BARD1: variants seen among roughly 807,000 people sequenced by gnomAD.
The protein encoded by BARD1 is BRCA1 associated RING domain 1.
Under a neutral mutation model 77.0 loss-of-function variants are expected in BARD1, and 73 were observed. The ratio of observed to expected loss-of-function variants is 0.95; its 90% CI spans 0.79 to 1.15. BARD1 has a LOEUF of 1.15. Ranked by LOEUF, BARD1 falls within the 50% of genes most tolerant of loss-of-function variation. The pLI, the probability that BARD1 is intolerant of heterozygous loss-of-function variation, is 0.00. For missense variants in BARD1, 993 were observed against 938.8 expected (o/e 1.06, Z -0.75); for synonymous variants, 384 against 338.0 (o/e 1.14, Z -1.49).
chr2:214,809,502 G>C lies in BARD1; in HGVS notation c.68C>G (p.Ala23Gly). ...RIRSGNEPRS[A>G]PAMEPDGRGA... ...GCGACCATCCGGTTCCATGGCGGGC[G>C]CGGAACGAGGCTCGTTCCCGGAGCG... Residue 23 changes from alanine (A) to glycine (G), a missense_variant, in exon 1 of 11, where the codon GCG becomes GGG. Ala to Gly is a moderately conservative substitution (Grantham distance 60, BLOSUM62 0). Transcript: ENST00000260947. 1.9e-6 allele frequency: 3 copies of C among 1,602,678 alleles called. No homozygotes were observed. Among genetic ancestry groups the C allele is most frequent in the Non-Finnish European group, 2.6e-6 (3 of 1,176,226 alleles).
chr2:214,757,051 C>G (rs527935061), intron 6 of BARD1, among the ~76,000 whole-genome samples: 3 of 152,100 alleles, frequency 2.0e-5, no homozygotes, highest in African/African-American at 4.8e-5. Context: ...GCTCTGACCA[C>G]GTAAGATGTG....
rs5031009 is a variant in BARD1 at position 214,767,431 on chromosome 2, T to C, written c.1568+51A>G. The stretch of plus-strand genomic sequence containing the variant: ...AAGTCTGCTTTATCACACACCTTGA[T>C]TCAAGAATATAGGTCCATTTTAAAA... On this transcript the variant is annotated intron_variant, in intron 6 of 10. Transcript: ENST00000260947. 0.36 allele frequency: 567,236 copies of C among 1,559,338 alleles called. 104,406 individuals are homozygous for C. Among genetic ancestry groups the C allele is most frequent in the South Asian group, 0.41 (36,302 of 89,536 alleles).
intron 1 of BARD1, among the ~76,000 whole-genome samples, chr2:214,807,212 G>A (rs1696316687): frequency 1.3e-5 from 2 of 148,694 alleles, no homozygotes; most frequent in Admixed American, 1.3e-4. Context: ...TAGAGGTTCG[G>A]ATTAAAAAAA....
At chr2:214,809,010 C>T (rs990003424) in intron 1 of BARD1, among the ~76,000 whole-genome samples, 5 of 152,314 alleles carry the variant, frequency 3.3e-5, no homozygotes, top group African/African-American at 1.2e-4. Flanking sequence ...GCCCGCCAGC[C>T]CAATTCGCCA....
chr2:214,754,136 T>C (rs934526357), intron 6 of BARD1, among the ~76,000 whole-genome samples: 5 of 152,038 alleles, frequency 3.3e-5, no homozygotes, highest in African/African-American at 4.8e-5. Flanking sequence ...CCACATATGC[T>C]ATACATATGA....
rs398061047 is a variant in BARD1, at chr2:214,760,779, C to CTT, written c.1568+6701_1568+6702dup. Among the ~76,000 whole-genome samples, 6 of 141,328 alleles carry CTT rather than the reference C, an allele frequency of 4.2e-5. No individual in the cohort carries two copies. The East Asian group carries it at 6.2e-4, about 15-fold the overall frequency. The allele number at this position is 141,328 out of a possible 152,430, so 92.7% of individuals were successfully genotyped here. On this transcript the variant is annotated intron_variant, in intron 6 of 10. Coordinates refer to ENST00000260947, the MANE Select transcript of BARD1 (RefSeq NM_000465.4). Reference sequence around the variant, plus strand: ...TTTTACAGTTCACAGGGACTTTTTTCTTTTTTTTTTTTTTAGATGGAGTCT... The same window carrying CTT: ...TTTTACAGTTCACAGGGACTTTTTTCTTTTTTTTTTTTTTTTAGATGGAGTCT...
At position 214,730,001 on chromosome 2, in the gene BARD1, A is replaced by C. The variant is rs186122204; in HGVS notation, c.2001+410T>G. Among the ~76,000 whole-genome samples the C allele has an allele frequency of 2.6e-3, 397 of 152,228 alleles. 2 individuals carry two copies. The highest frequency in any genetic ancestry group is 9.0e-3 in the African/African-American group (375 of 41,494). On this transcript the variant is annotated intron_variant, in intron 10 of 10. Coordinates refer to ENST00000260947, the MANE Select transcript of BARD1 (RefSeq NM_000465.4). ...AAAAAAAGTTTCATAATTCCCTTCTATGGAAATTTTCTTTGTGACTTCTAA... is the reference window on the plus strand; with the variant it reads ...AAAAAAAGTTTCATAATTCCCTTCTCTGGAAATTTTCTTTGTGACTTCTAA...
intron 6 of BARD1, among the ~76,000 whole-genome samples, chr2:214,761,186 T>C (rs1693947414): frequency 6.6e-6 from 1 of 151,558 alleles, no homozygotes; most frequent in Admixed American, 6.6e-5. Flanking sequence ...AATTATATAA[T>C]ATGTGAGTTA....
chr2:214,781,252 T>C lies in BARD1; in HGVS notation c.622A>G (p.Lys208Glu), dbSNP rs1559425550. ...ASARSGKKQK[K>E]KTLAEINQKW... ...TGGTTGATTTCAGCTAAAGTTTTCT[T>C]TTTTTGCTTTTTTCCAGATCTTGCA... The change falls in exon 4 of 11, where the codon AAG becomes GAG. Residue 208 changes from lysine to glutamate, a missense_variant. Coordinates refer to ENST00000260947, the MANE Select transcript of BARD1 (RefSeq NM_000465.4). 6.3e-7 allele frequency: 1 copy of C among 1,595,214 alleles called. No homozygotes were observed. The highest frequency in any genetic ancestry group is 1.4e-5 in the African/African-American group (1 of 73,560).
Position 214,726,870 on chromosome 2 carries a change from A to G in BARD1, c.*1806T>C, listed in dbSNP as rs535993640. On this transcript the variant is annotated 3_prime_UTR_variant, in exon 11 of 11. Coordinates refer to ENST00000260947, the MANE Select transcript of BARD1 (RefSeq NM_000465.4). ...GTGATAAACCAAGAAAATGAATGAC[A>G]AAAACTAAGAGACCTCATAGGTGTC... The G allele has an allele frequency of 1.1e-4, 26 of 228,968 alleles. No homozygotes were observed. In the East Asian group the frequency reaches 1.3e-3, roughly 12 times the overall value. 14.2% of individuals were successfully genotyped at this position (228,968 alleles called of 1,614,324 possible). A position where few individuals can be genotyped will look rare whatever the true frequency, so the allele number is the denominator to read the frequency against.
At chr2:214,788,102 T>G (rs1319833462) in intron 3 of BARD1, among the ~76,000 whole-genome samples, 2 of 151,980 alleles carry the variant, frequency 1.3e-5, no homozygotes, top group Non-Finnish European at 2.9e-5. Context: ...AAACACTATG[T>G]AATCGTTACA....
At chr2:214,797,449 A>G (rs1032915336) in intron 1 of BARD1, among the ~76,000 whole-genome samples, 1 of 152,206 alleles carries the variant, frequency 6.6e-6, no homozygotes, top group African/African-American at 2.4e-5. Flanking sequence ...TCTTTCAACT[A>G]CTAAGGTGTA....
In BARD1 at chr2:214,780,711, A is replaced by G. The variant is rs748322604; in HGVS notation, c.1163T>C (p.Ile388Thr). The change falls in exon 4 of 11, where the codon ATT becomes ACT. Residue 388 changes from isoleucine to threonine, a missense_variant. Coordinates refer to ENST00000260947, the MANE Select transcript of BARD1 (RefSeq NM_000465.4). ...RKNSNMSDEF[I>T]SLSPGTPPST... ...AGGTGGTGTACCTGGTGAAAGACTAATGAATTCATCGGACATGTTACTGTT... is the reference window on the plus strand; with the variant it reads ...AGGTGGTGTACCTGGTGAAAGACTAGTGAATTCATCGGACATGTTACTGTT... 4 of 1,613,998 alleles carry G rather than the reference A, an allele frequency of 2.5e-6. No homozygotes were observed. The African/African-American group carries it at 4.0e-5, about 16-fold the overall frequency.
intron 7 of BARD1, among the ~76,000 whole-genome samples, chr2:214,748,202 A>G (rs1693230810): frequency 6.6e-6 from 1 of 152,324 alleles, no homozygotes; most frequent in Non-Finnish European, 1.5e-5. Context: ...ATTTGCATAA[A>G]AAATAGAAAC....
rs145098782 is a variant in BARD1, at chr2:214,727,056, C to T, written c.*1620G>A. 1.1e-3 allele frequency: 234 copies of T among 210,846 alleles called. 1 individual carries two copies. Among genetic ancestry groups the T allele is most frequent in the African/African-American group, 5.0e-3 (211 of 42,494 alleles). 13.1% of individuals were successfully genotyped at this position (210,846 alleles called of 1,614,324 possible). A position where few individuals can be genotyped will look rare whatever the true frequency, so the allele number is the denominator to read the frequency against. ...TTAATCCAGACATTATCTAACGCCT[C>T]GGATTTTTGTTTGGTGCTATGGTGT... On this transcript the variant is annotated 3_prime_UTR_variant, in exon 11 of 11. Transcript: ENST00000260947.
At chr2:214,799,587 T>C (rs79305052) in intron 1 of BARD1, among the ~76,000 whole-genome samples, 1 of 152,188 alleles carries the variant, frequency 6.6e-6, no homozygotes, top group Non-Finnish European at 1.5e-5. Flanking sequence ...CTTCCTAAAA[T>C]GTGCTACTCT....
At chr2:214,766,454 T>G (rs191064816) in intron 6 of BARD1, among the ~76,000 whole-genome samples, 13 of 152,340 alleles carry the variant, frequency 8.5e-5, no homozygotes, top group South Asian at 8.3e-4. Context: ...TAACTGCTTA[T>G]TAAAGTGTAA....
At chr2:214,747,626 T>A (rs1693190726) in intron 7 of BARD1, among the ~76,000 whole-genome samples, 1 of 146,432 alleles carries the variant, frequency 6.8e-6, no homozygotes, top group South Asian at 2.2e-4. Context: ...AAACACCGCA[T>A]GTTCTCACTC....
intron 4 of BARD1, among the ~76,000 whole-genome samples, chr2:214,780,358 A>G (rs1694925173): frequency 6.6e-6 from 1 of 152,216 alleles, no homozygotes; most frequent in South Asian, 2.1e-4. Flanking sequence ...CTACAAGATC[A>G]TGCGCCCAGA....
Sources: gnomAD v4.1 joint callset for allele counts (sites outside exome capture counted in the v4.1 genomes callset) on GRCh38, gnomAD v4.1.1 for gene constraint, MANE v1.5 for transcripts, NCBI Gene and HGNC (gene_info 2026-07-23, HGNC 2026-07-21) for gene names.